Variants in ADGRV1 observed in about 807,000 individuals in gnomAD.
ADGRV1 encodes the protein G-protein coupled receptor 98.
Under a neutral mutation model 596.2 loss-of-function variants are expected in ADGRV1, and 359 were observed. That is an observed-to-expected ratio of 0.60 (90% CI 0.55 to 0.66). The LOEUF is 0.66. ADGRV1 is among the 30% of genes least tolerant of loss of function. The pLI is 0.00. For synonymous variants in ADGRV1, 2,681 were observed against 2,679.2 expected, an observed-to-expected ratio of 1.00 and a Z score of -0.02; for missense variants, 7,274 against 7,575.6, an observed-to-expected ratio of 0.96 and a Z score of 1.48.
intron 21 of ADGRV1, among the ~76,000 whole-genome samples, chr5:90,663,764 T>G (rs927512890): frequency 1.6e-4 from 25 of 152,236 alleles, no homozygotes; most frequent in African/African-American, 6.0e-4. Flanking sequence ...TTTAAGTCTT[T>G]AATCCATCTT....
At chr5:90,752,703 A>C (rs1340732166) in intron 53 of ADGRV1, among the ~76,000 whole-genome samples, 1 of 152,238 alleles carries the variant, frequency 6.6e-6, no homozygotes, top group African/African-American at 2.4e-5. Context: ...TACTGGGTAT[A>C]TACTGAAAGT....
chr5:90,812,019 C>G (rs1259937221), intron 74 of ADGRV1, among the ~76,000 whole-genome samples: 1 of 151,262 alleles, frequency 6.6e-6, no homozygotes, highest in African/African-American at 2.4e-5. Flanking sequence ...ACCTCTGCCT[C>G]CCGGGTTCAA....
chr5:90,831,027 G>A (rs1214696964), intron 77 of ADGRV1, among the ~76,000 whole-genome samples: 6 of 151,996 alleles, frequency 3.9e-5, no homozygotes, highest in Admixed American at 2.0e-4. Context: ...GGCTATTCCT[G>A]GGTCTTAAGC....
chr5:90,774,175 A>T lies in ADGRV1; in HGVS notation c.12286-11A>T, dbSNP rs1281047402. The T allele has an allele frequency of 6.6e-7, 1 of 1,505,772 alleles. No individual in the cohort carries two copies. Among genetic ancestry groups the T allele is most frequent in the South Asian group, 1.2e-5 (1 of 82,754 alleles). The allele number at this position is 1,505,772 out of a possible 1,614,324, so 93.3% of individuals were successfully genotyped here. On this transcript the variant is annotated splice_polypyrimidine_tract_variant and intron_variant, in intron 59 of 89. Coordinates refer to ENST00000405460, the MANE Select transcript of ADGRV1 (RefSeq NM_032119.4). Reference sequence around the variant, plus strand: ...ATCTGGAAAATGCACTGTTTCTGTCATTGGATGTAGACTGAGTCCCAGAAG... The same window carrying T: ...ATCTGGAAAATGCACTGTTTCTGTCTTTGGATGTAGACTGAGTCCCAGAAG...
At chr5:90,600,592 G>C (rs1761275865) in intron 1 of ADGRV1, among the ~76,000 whole-genome samples, 1 of 152,118 alleles carries the variant, frequency 6.6e-6, no homozygotes, top group Non-Finnish European at 1.5e-5. Context: ...TTTTGCTATT[G>C]TGAATAGTGC....
At chr5:90,969,038 A>G (rs1217010540) in intron 84 of ADGRV1, among the ~76,000 whole-genome samples, 1 of 151,644 alleles carries the variant, frequency 6.6e-6, no homozygotes, top group Non-Finnish European at 1.5e-5. Context: ...TTTATATCCT[A>G]TACTTTTAGT....
chr5:90,935,555 A>G (rs779622786), intron 83 of ADGRV1, among the ~76,000 whole-genome samples: 4 of 152,230 alleles, frequency 2.6e-5, no homozygotes, highest in Non-Finnish European at 5.9e-5. Context: ...ATGGAAAACC[A>G]TAGTTATTCA....
At chr5:90,600,864 G>A (rs1050760939) in intron 1 of ADGRV1, among the ~76,000 whole-genome samples, 4 of 152,016 alleles carry the variant, frequency 2.6e-5, no homozygotes, top group Non-Finnish European at 5.9e-5. Context: ...ATTAAATAAA[G>A]ACCTACTTCT....
chr5:90,972,461 T>G (rs1170601949), intron 84 of ADGRV1, among the ~76,000 whole-genome samples: 2 of 152,138 alleles, frequency 1.3e-5, no homozygotes, highest in African/African-American at 4.8e-5. Context: ...AGTAAAGCAC[T>G]CCTCAGCAAA....
chr5:90,718,583 T>C (rs1026625630), intron 43 of ADGRV1, among the ~76,000 whole-genome samples: 2 of 152,164 alleles, frequency 1.3e-5, no homozygotes, highest in African/African-American at 4.8e-5. Context: ...GATCATTTTA[T>C]GTAACTTCAG....
chr5:90,964,545 A>C lies in ADGRV1; in HGVS notation c.17857-870A>C, dbSNP rs539861675. Among the ~76,000 whole-genome samples, 163 of 152,302 alleles carry C rather than the reference A, an allele frequency of 1.1e-3. 2 individuals are homozygous for C. Among genetic ancestry groups the C allele is most frequent in the African/African-American group, 3.8e-3 (156 of 41,570 alleles). ...GACACAGTAGTCATTTATTGGAGAA[A>C]ATACAAAAAGATAGAAATCACAAAG... On this transcript the variant is annotated intron_variant, in intron 83 of 89. Coordinates refer to ENST00000405460, the MANE Select transcript of ADGRV1 (RefSeq NM_032119.4).
chr5:90,576,400 G>T (rs1757220478), intron 1 of ADGRV1, among the ~76,000 whole-genome samples: 1 of 152,088 alleles, frequency 6.6e-6, no homozygotes, highest in Non-Finnish European at 1.5e-5. Context: ...TGCTGAGAAT[G>T]ATGGTTTCCA....
Position 90,840,993 on chromosome 5 carries a change from T to C in ADGRV1, c.17019+8T>C, listed in dbSNP as rs771706835. On this transcript the variant is annotated splice_region_variant and intron_variant, in intron 78 of 89. Coordinates refer to ENST00000405460, the MANE Select transcript of ADGRV1 (RefSeq NM_032119.4). ...ATGCATTTAATAGAAAAGGTAAGTT[T>C]TTGTGAATATTAGTAATTTGTTTAG... 1.4e-6 allele frequency: 2 copies of C among 1,395,928 alleles called. No homozygotes were observed. Among genetic ancestry groups the C allele is most frequent in the Non-Finnish European group, 1.9e-6 (2 of 1,069,596 alleles). The allele number at this position is 1,395,928 out of a possible 1,614,324, so 86.5% of individuals were successfully genotyped here.
At chr5:90,818,957 T>A (rs976289862) in intron 75 of ADGRV1, among the ~76,000 whole-genome samples, 5 of 151,914 alleles carry the variant, frequency 3.3e-5, no homozygotes, top group African/African-American at 1.2e-4. Context: ...ATTCCCTCTT[T>A]TTCTGTTGAT....
chr5:90,654,162 A>C, intron 20 of ADGRV1: 1 of 591,736 alleles, frequency 1.7e-6, no homozygotes, highest in South Asian at 2.1e-5. Flanking sequence ...TTTTGCCCTT[A>C]AAGAACCTGG....
intron 43 of ADGRV1, chr5:90,717,592 T>A (rs1217657344): frequency 2.0e-5 from 3 of 152,162 alleles, no homozygotes; most frequent in Non-Finnish European, 4.4e-5. Flanking sequence ...GCCTTCCGGG[T>A]TCATGCCATT....
chr5:90,930,003 A>T lies in ADGRV1; in HGVS notation c.17857-35412A>T, dbSNP rs144095589. ...CAGATGAATTTTAAAAGGCCAGTCT[A>T]TATTTAAAATAGGCATTAATTTTAG... On this transcript the variant is annotated intron_variant, in intron 83 of 89. Transcript: ENST00000405460. Among the ~76,000 whole-genome samples the T allele has an allele frequency of 2.6e-5, 4 of 152,190 alleles. No individual in the cohort carries two copies. The East Asian group carries it at 7.7e-4, about 29-fold the overall frequency.
At chr5:90,883,144 A>T (rs2150550485) in intron 83 of ADGRV1, among the ~76,000 whole-genome samples, 2 of 152,330 alleles carry the variant, frequency 1.3e-5, no homozygotes, top group East Asian at 3.9e-4. Flanking sequence ...TTGTTCAAAG[A>T]CACAACTGTG....
intron 1 of ADGRV1, among the ~76,000 whole-genome samples, chr5:90,605,631 G>A (rs752408320): frequency 2.6e-5 from 4 of 152,028 alleles, no homozygotes; most frequent in African/African-American, 9.7e-5. Context: ...ATTATTGTGT[G>A]TAGGTACATT....
Sources: gnomAD v4.1 joint callset for allele counts (sites outside exome capture counted in the v4.1 genomes callset) on GRCh38, gnomAD v4.1.1 for gene constraint, MANE v1.5 for transcripts, NCBI Gene and HGNC (gene_info 2026-07-23, HGNC 2026-07-21) for gene names.